The following SUPT3H variants were observed in gnomAD, a reference collection of about 807,000 sequenced individuals.
SUPT3H encodes transcription initiation protein SPT3 homolog.
A neutral mutation model predicts 44.3 loss-of-function variants in SUPT3H; 44 were observed. The ratio of observed to expected loss-of-function variants is 0.99; its 90% CI spans 0.78 to 1.28. The LOEUF (loss-of-function observed/expected upper bound fraction) is 1.28. SUPT3H is among the 50% of genes most tolerant of loss of function. SUPT3H has a pLI of 0.00. For synonymous variants in SUPT3H, 124 were observed against 125.6 expected (o/e 0.99, Z 0.09); for missense variants, 380 against 387.1 (o/e 0.98, Z 0.15).
chr6:45,179,456 G>A (rs1403739355), intron 2 of SUPT3H, among the ~76,000 whole-genome samples: 1 of 152,198 alleles, frequency 6.6e-6, no homozygotes, highest in Non-Finnish European at 1.5e-5. Flanking sequence ...TATCCTTGAT[G>A]ACCATTGATG....
chr6:44,961,880 T>C (rs944954411), intron 6 of SUPT3H, 52 bp from the exon 7 acceptor site: 7 of 1,388,476 alleles, frequency 5.0e-6, no homozygotes, highest in Admixed American at 4.0e-5. Context: ...TTATTATATA[T>C]GTTTTCACAG....
At chr6:45,130,620 T>C (rs997409670) in intron 2 of SUPT3H, among the ~76,000 whole-genome samples, 5 of 150,978 alleles carry the variant, frequency 3.3e-5, no homozygotes, top group Non-Finnish European at 7.4e-5. Flanking sequence ...ACGGGTATCC[T>C]TTATCTTTTG....
At chr6:45,221,981 A>C (rs1302928721) in intron 2 of SUPT3H, among the ~76,000 whole-genome samples, 1 of 152,130 alleles carries the variant, frequency 6.6e-6, no homozygotes, top group African/African-American at 2.4e-5. Context: ...CAAGCAAATA[A>C]TGGCTCACAG....
At chr6:44,817,277 T>G (rs1451727219) in intron 11 of SUPT3H, among the ~76,000 whole-genome samples, 1 of 150,428 alleles carries the variant, frequency 6.6e-6, no homozygotes, top group Non-Finnish European at 1.5e-5. Flanking sequence ...AGAAATCCAT[T>G]TGATAAAATT....
chr6:45,060,637 A>G (rs1482181254), intron 3 of SUPT3H, among the ~76,000 whole-genome samples: 2 of 152,110 alleles, frequency 1.3e-5, no homozygotes, highest in Non-Finnish European at 2.9e-5. Flanking sequence ...AAAGGAAACT[A>G]TCATCAGAGT....
In SUPT3H at chr6:44,954,539, C is replaced by G. The variant is rs748728560; in HGVS notation, c.649G>C (p.Ala217Pro). The change falls in exon 8 of 11, where the codon GCA becomes CCA. Residue 217 changes from alanine to proline, a missense_variant. Ala to Pro is a conservative substitution (Grantham distance 27). Transcript: ENST00000371459. The part of the protein sequence containing the change: ...SSMEIKPNVV[A>P]MEILAYLAYE... ...GCTAAATATGCTAAGATTTCCATTG[C>G]GACAACATTGGGTTTTATCTCCATA... The G allele has an allele frequency of 6.2e-7, 1 of 1,613,856 alleles. No homozygotes were observed. The highest frequency in any genetic ancestry group is 2.2e-5 in the East Asian group (1 of 44,880).
intron 2 of SUPT3H, among the ~76,000 whole-genome samples, chr6:45,195,190 G>T (rs187105404): frequency 6.6e-6 from 1 of 152,222 alleles, no homozygotes; most frequent in East Asian, 1.9e-4. Context: ...GTGATGCTAT[G>T]ATATATTATA....
chr6:44,901,601 A>C (rs1293600), intron 10 of SUPT3H, among the ~76,000 whole-genome samples: 1 of 148,378 alleles, frequency 6.7e-6, no homozygotes, highest in South Asian at 2.2e-4. Context: ...AACACTCTGC[A>C]GGATATTATC....
At position 45,020,582 on chromosome 6, in the gene SUPT3H, A is replaced by G. The variant is rs1468364994; in HGVS notation, c.237T>C (p.Thr79=). ...GCATCAAAAACAGAAGATCTTCAGG[A>G]GTGATTACCCTTGCTCCCCGCAGCT... ...VSQLRGARVI[T]PEDLLFLMRK... The change falls in exon 4 of 11, where the codon ACT becomes ACC. Residue 79 remains threonine (T), a synonymous_variant. Transcript: ENST00000371459. 2 of 1,611,782 alleles carry G rather than the reference A, an allele frequency of 1.2e-6. No homozygotes were observed. The highest frequency in any genetic ancestry group is 1.7e-4 in the Middle Eastern group (1 of 6,032).
At chr6:44,883,602 G>C (rs563646114) in intron 10 of SUPT3H, among the ~76,000 whole-genome samples, 1 of 151,944 alleles carries the variant, frequency 6.6e-6, no homozygotes, top group Non-Finnish European at 1.5e-5. Flanking sequence ...AAAGCTAGAG[G>C]TATCAAAATT....
chr6:44,900,096 C>T (rs1220775782), intron 10 of SUPT3H, among the ~76,000 whole-genome samples: 3 of 152,176 alleles, frequency 2.0e-5, no homozygotes, highest in Admixed American at 6.5e-5. Context: ...CCAGCATAAG[C>T]GACGCAGAAG....
intron 6 of SUPT3H, among the ~76,000 whole-genome samples, chr6:44,972,400 C>T (rs912562633): frequency 6.6e-6 from 1 of 152,148 alleles, no homozygotes; most frequent in African/African-American, 2.4e-5. Flanking sequence ...GGTCCCAGGG[C>T]CTCTTGTCAG....
At chr6:45,100,905 C>A (rs1017621420) in intron 3 of SUPT3H, among the ~76,000 whole-genome samples, 1 of 152,112 alleles carries the variant, frequency 6.6e-6, no homozygotes, top group Admixed American at 6.5e-5. Context: ...ATGTTTATTG[C>A]AGCAATACTC....
intron 3 of SUPT3H, among the ~76,000 whole-genome samples, chr6:45,088,331 A>G (rs968286954): frequency 3.3e-5 from 5 of 152,072 alleles, no homozygotes; most frequent in African/African-American, 1.2e-4. Context: ...ACTGCATGCT[A>G]TGAATCTTCG....
intron 2 of SUPT3H, among the ~76,000 whole-genome samples, chr6:45,180,352 A>T (rs1331734893): frequency 1.3e-5 from 2 of 150,446 alleles, no homozygotes; most frequent in African/African-American, 4.9e-5. Flanking sequence ...CTCTTCACAG[A>T]ATTGGAAAAA....
chr6:44,964,467 C>A (rs1459112514), intron 6 of SUPT3H, among the ~76,000 whole-genome samples: 1 of 152,110 alleles, frequency 6.6e-6, no homozygotes. Flanking sequence ...GCTTACATAG[C>A]TGATGTATTC....
intron 1 of SUPT3H, among the ~76,000 whole-genome samples, chr6:45,374,032 A>G (rs1025144193): frequency 6.6e-6 from 1 of 152,218 alleles, no homozygotes; most frequent in African/African-American, 2.4e-5. Context: ...GTAAAGTAAG[A>G]CGATAATTTT....
rs111295874 is a variant in SUPT3H at position 45,209,254 on chromosome 6, C to A, written c.102-103248G>T. Among the ~76,000 whole-genome samples, 1,379 of 152,256 alleles carry A rather than the reference C, an allele frequency of 9.1e-3. 15 individuals carry two copies. The highest frequency in any genetic ancestry group is 0.028 in the South Asian group (136 of 4,822). On this transcript the variant is annotated intron_variant, in intron 2 of 10. Transcript: ENST00000371459. Reference sequence around the variant, plus strand: ...TGGATCAAGGAGTCAGCTCAACTTTCGAAATCTATTTCATGAGGCTACAGT... The same window carrying A: ...TGGATCAAGGAGTCAGCTCAACTTTAGAAATCTATTTCATGAGGCTACAGT...
At chr6:44,921,170 AT>A (rs1197714420) in intron 10 of SUPT3H, among the ~76,000 whole-genome samples, 3 of 152,238 alleles carry the variant, frequency 2.0e-5, no homozygotes, top group African/African-American at 7.2e-5. Flanking sequence ...TATTGAATAA[AT>A]GCAGGTATCA....
Sources: allele counts gnomAD v4.1 joint callset (sites outside exome capture counted in the v4.1 genomes callset), GRCh38; gene constraint gnomAD v4.1.1; transcripts MANE v1.5; gene names NCBI Gene and HGNC (gene_info 2026-07-23, HGNC 2026-07-21).